TMEM114: variants seen among roughly 807,000 people sequenced by gnomAD.
TMEM114 encodes transmembrane protein 114, also known as claudin-26.
In TMEM114, 6 loss-of-function variants were observed where a neutral mutation model predicts 6.2. The ratio of observed to expected loss-of-function variants is 0.97; its 90% confidence interval spans 0.53 to 1.91. The LOEUF (loss-of-function observed/expected upper bound fraction) is 1.91, where lower values mean the gene tolerates loss of function less well. TMEM114 is among the 40% of genes most tolerant of loss of function. TMEM114 has a pLI of 0.01. For missense variants in TMEM114, 218 were observed against 158.3 expected (o/e 1.38, Z -2.02); for synonymous variants, 104 against 73.0 (o/e 1.42, Z -2.16).
chr16:8,564,304 A>AG (rs1901435909), intron 2 of TMEM114, among the ~76,000 whole-genome samples: 1 of 147,648 alleles, frequency 6.8e-6, no homozygotes, highest in Non-Finnish European at 1.5e-5. Flanking sequence ...TGAATGAGTG[A>AG]TGAAATAAGT....
At chr16:8,560,372 G>A (rs1353338613) in intron 2 of TMEM114, among the ~76,000 whole-genome samples, 1 of 151,942 alleles carries the variant, frequency 6.6e-6, no homozygotes, top group Non-Finnish European at 1.5e-5. Context: ...AGCGAGGGTG[G>A]GCATCCTCTC....
the TMEM114 span, among the ~76,000 whole-genome samples, chr16:8,531,021 C>T: frequency 6.6e-6 from 1 of 151,432 alleles, no homozygotes; most frequent in South Asian, 2.1e-4. Flanking sequence ...GAGACTCTGT[C>T]TCAAAAAACA....
chr16:8,564,325 GTTA>G, intron 2 of TMEM114, among the ~76,000 whole-genome samples: 2 of 144,330 alleles, frequency 1.4e-5, no homozygotes, highest in Non-Finnish European at 3.0e-5. Flanking sequence ...GAATGAGTGA[GTTA>G]GAGAATGAGT....
the TMEM114 span, among the ~76,000 whole-genome samples, chr16:8,529,448 A>C: frequency 6.6e-6 from 1 of 152,146 alleles, no homozygotes; most frequent in Non-Finnish European, 1.5e-5. Context: ...ACATTTGTTG[A>C]AGAGAATTGA....
intron 2 of TMEM114, among the ~76,000 whole-genome samples, chr16:8,552,484 C>A (rs1900876769): frequency 6.6e-6 from 1 of 150,754 alleles, no homozygotes; most frequent in Non-Finnish European, 1.5e-5. Context: ...AAAATCTATA[C>A]ATAGCAGAAA....
At chr16:8,534,506 C>A (rs546474172), downstream of TMEM114, among the ~76,000 whole-genome samples, 1 of 152,192 alleles carries the variant, frequency 6.6e-6, no homozygotes, top group Non-Finnish European at 1.5e-5. Context: ...TCCAATGCAC[C>A]TACATCCGTA....
At chr16:8,534,967 T>C (rs1434793208), downstream of TMEM114, among the ~76,000 whole-genome samples, 1 of 152,192 alleles carries the variant, frequency 6.6e-6, no homozygotes, top group African/African-American at 2.4e-5. Flanking sequence ...CCTGTCATCA[T>C]CCCCTTCTCC....
At chr16:8,530,021 G>A in the TMEM114 span, among the ~76,000 whole-genome samples, 14 of 152,300 alleles carry the variant, frequency 9.2e-5, no homozygotes, top group East Asian at 2.5e-3. Context: ...TTTTTCAGCT[G>A]AACTGAAATT....
rs1485710616 is a variant in TMEM114 at position 8,569,865 on chromosome 16, T to C, written c.580A>G (p.Ile194Val). 5 of 1,550,972 alleles carry C rather than the reference T, an allele frequency of 3.2e-6. No individual in the cohort carries two copies. The highest frequency in any genetic ancestry group is 4.4e-6 in the Non-Finnish European group (5 of 1,146,954). ...GTGAGCAGCTCGGCGATGAAGCTGA[T>C]CCAGCCCAGGGCCAGGGACCAGCCG... ...SFGWSLALGW[I>V]SFIAELLTGA... The change falls in exon 4 of 4, where the codon ATC becomes GTC. Residue 194 changes from isoleucine to valine, a missense_variant. By Grantham distance (29) the Ile-to-Val change is conservative. Coordinates refer to ENST00000620492, the MANE Select transcript of TMEM114 (RefSeq NM_001146336.2).
intron 2 of TMEM114, among the ~76,000 whole-genome samples, chr16:8,550,681 A>G (rs1900811678): frequency 1.4e-5 from 1 of 72,594 alleles, no homozygotes; most frequent in Admixed American, 1.5e-4. Context: ...TTCGTCAAAA[A>G]AAACAAAAAA....
chr16:8,544,178 G>A (rs186834274), intron 2 of TMEM114, among the ~76,000 whole-genome samples: 68 of 152,320 alleles, frequency 4.5e-4, no homozygotes, highest in African/African-American at 1.5e-3. Context: ...ATATAGGCAA[G>A]CTGCAAAGAC....
At chr16:8,557,062 A>G (rs6501158) in intron 2 of TMEM114, among the ~76,000 whole-genome samples, 66,101 of 151,832 alleles carry the variant, frequency 0.44, 14,923 homozygotes, top group African/African-American at 0.55. Flanking sequence ...GGATACACTC[A>G]GAGAGGGTAG....
At chr16:8,542,418 T>C (rs1451329195) in intron 2 of TMEM114, among the ~76,000 whole-genome samples, 1 of 152,188 alleles carries the variant, frequency 6.6e-6, no homozygotes, top group Admixed American at 6.5e-5. Flanking sequence ...TCATCCCAGG[T>C]CATTTTAAAT....
chr16:8,572,797 T>A (rs1203130998), intron 2 of TMEM114, among the ~76,000 whole-genome samples: 1 of 152,200 alleles, frequency 6.6e-6, no homozygotes, highest in African/African-American at 2.4e-5. Context: ...CATTAATTAT[T>A]CATTACAAGA....
downstream of TMEM114, among the ~76,000 whole-genome samples, chr16:8,568,791 A>C (rs1901627764): frequency 2.0e-5 from 3 of 152,216 alleles, no homozygotes; most frequent in African/African-American, 7.2e-5. Context: ...GCTCTTAAAA[A>C]ACACTGATGC....
At chr16:8,556,073 T>C (rs892466867) in intron 2 of TMEM114, among the ~76,000 whole-genome samples, 28 of 152,286 alleles carry the variant, frequency 1.8e-4, no homozygotes, top group African/African-American at 6.5e-4. Flanking sequence ...CATAATACCA[T>C]CCATACTCAT....
chr16:8,589,740 A>G lies in TMEM114; in HGVS notation c.99T>C (p.Tyr33=), dbSNP rs1208858903. The change falls in exon 1 of 4, where the codon TAT becomes TAC. Residue 33 remains tyrosine, a synonymous_variant. Coordinates refer to ENST00000620492, the MANE Select transcript of TMEM114 (RefSeq NM_001146336.2). Reference sequence around the variant, plus strand: ...TCTCCAGCCGCTCGGTGTCAATGATATACCAGAAGTCCGTGCCGATGGCGG... The same window carrying G: ...TCTCCAGCCGCTCGGTGTCAATGATGTACCAGAAGTCCGTGCCGATGGCGG... ...LAAAIGTDFW[Y]IIDTERLERT... The G allele has an allele frequency of 5.0e-6, 2 of 398,516 alleles. No homozygotes were observed. The highest frequency in any genetic ancestry group is 7.1e-5 in the East Asian group (2 of 28,048). The allele number at this position is 398,516 out of a possible 1,614,324, so 24.7% of individuals were successfully genotyped here. A position where few individuals can be genotyped will look rare whatever the true frequency, so the allele number is the denominator to read the frequency against.
intron 2 of TMEM114, among the ~76,000 whole-genome samples, chr16:8,554,677 G>A (rs1417687256): frequency 1.6e-5 from 2 of 125,650 alleles, no homozygotes; most frequent in African/African-American, 6.2e-5. Context: ...AAGGAGTGAG[G>A]CCAGGTTCAA....
At chr16:8,531,459 C>T in the TMEM114 span, among the ~76,000 whole-genome samples, 3 of 152,208 alleles carry the variant, frequency 2.0e-5, no homozygotes, top group African/African-American at 7.2e-5. Context: ...TTTGAAACTG[C>T]TGTGAGAGTT....
Sources: gnomAD v4.1 joint callset for allele counts (sites outside exome capture counted in the v4.1 genomes callset) on GRCh38, gnomAD v4.1.1 for gene constraint, MANE v1.5 for transcripts, NCBI Gene and HGNC (gene_info 2026-07-23, HGNC 2026-07-21) for gene names.